Variants in XPO1 observed in about 807,000 individuals in gnomAD.
The protein encoded by XPO1 is exportin-1.
XPO1 carries 5 observed loss-of-function variants against 133.3 expected under a neutral mutation model. That is an observed-to-expected ratio of 0.04 (90% CI 0.02 to 0.08). The LOEUF is 0.08. Among genes scored for constraint, XPO1 ranks in the 10% least tolerant of loss-of-function variants. The pLI, the probability that XPO1 is intolerant of heterozygous loss-of-function variation, is 1.00. For synonymous variants in XPO1, 419 were observed against 408.2 expected (o/e 1.03, Z -0.32); for missense variants, 506 against 1,267.5 (o/e 0.40, Z 9.12).
intron 4 of XPO1, among the ~76,000 whole-genome samples, chr2:61,516,017 T>C (rs1376383981): frequency 1.4e-5 from 2 of 145,986 alleles, no homozygotes; most frequent in Non-Finnish European, 3.0e-5. Context: ...TCCCAGCTAC[T>C]CAGGAGGCTG....
intron 22 of XPO1, 49 bp from the exon 23 acceptor site, chr2:61,482,588 G>A (rs767696812): frequency 5.0e-6 from 7 of 1,406,090 alleles, no homozygotes; most frequent in East Asian, 2.5e-5. Flanking sequence ...TATAACTATA[G>A]ATCTTAGCGT....
chr2:61,495,807 C>A (rs887168950), intron 10 of XPO1, among the ~76,000 whole-genome samples, 194 bp from the exon 11 acceptor site: 6 of 151,974 alleles, frequency 3.9e-5, no homozygotes, highest in African/African-American at 1.5e-4. Context: ...GTAGCTGGAA[C>A]CACAGGTATG....
chr2:61,529,799 A>G (rs1699074469), intron 2 of XPO1, among the ~76,000 whole-genome samples: 1 of 152,224 alleles, frequency 6.6e-6, no homozygotes, highest in African/African-American at 2.4e-5. Context: ...AGGAAAACAC[A>G]CTGCTACACA....
At chr2:61,528,340 TAAA>T (rs1698997563) in intron 2 of XPO1, among the ~76,000 whole-genome samples, 1 of 152,104 alleles carries the variant, frequency 6.6e-6, no homozygotes, top group African/African-American at 2.4e-5. Flanking sequence ...ATAGTATACT[TAAA>T]AATCTTTTAG....
chr2:61,518,733 C>G (rs752539409), intron 4 of XPO1, among the ~76,000 whole-genome samples: 20 of 152,030 alleles, frequency 1.3e-4, no homozygotes, highest in Middle Eastern at 3.2e-3. Flanking sequence ...ACTAAAACAG[C>G]CAAGTGTAAT....
intron 4 of XPO1, among the ~76,000 whole-genome samples, chr2:61,510,773 CAA>C (rs1283369861): frequency 6.6e-6 from 1 of 151,726 alleles, no homozygotes; most frequent in Admixed American, 6.6e-5. Context: ...CCCATCTCTA[CAA>C]AAAATAGAAA....
chr2:61,518,349 G>A (rs1270409401), intron 4 of XPO1, among the ~76,000 whole-genome samples: 3 of 151,422 alleles, frequency 2.0e-5, no homozygotes, highest in Non-Finnish European at 4.4e-5. Context: ...TCAGGAGATC[G>A]AGACCATCCT....
Position 61,492,274 on chromosome 2 carries a change from T to A in XPO1, c.1723+51A>T. 1 of 1,582,462 alleles carries A rather than the reference T, an allele frequency of 6.3e-7. No individual in the cohort carries two copies. Among genetic ancestry groups the A allele is most frequent in the Non-Finnish European group, 8.5e-7 (1 of 1,170,282 alleles). ...CTCTAACAAGACAAAAACATTCATT[T>A]ATTTTCTTCAATAAAAATAAAAGCA... is the stretch of plus-strand genomic sequence containing the variant. On this transcript the variant is annotated intron_variant, in intron 15 of 24. Transcript: ENST00000401558. This position sits in a 1 kb window ranked among gnomAD's most constrained non-coding sequence, Gnocchi z 5.6.
chr2:61,486,488 GCT>G (rs1389246202), intron 19 of XPO1, among the ~76,000 whole-genome samples: 2 of 152,006 alleles, frequency 1.3e-5, no homozygotes, highest in African/African-American at 4.8e-5. Context: ...ACGGAGTCTT[GCT>G]CTGTCGCCCA....
chr2:61,483,786 G>T, intron 21 of XPO1, 151 bp downstream of exon 21: 2 of 848,876 alleles, frequency 2.4e-6, no homozygotes, highest in Non-Finnish European at 1.8e-6. Flanking sequence ...TGGAACAGTT[G>T]ATTAAACTGC....
At chr2:61,505,427 T>C (rs915480175) in intron 4 of XPO1, among the ~76,000 whole-genome samples, 53 of 151,632 alleles carry the variant, frequency 3.5e-4, no homozygotes, top group African/African-American at 1.2e-3. Flanking sequence ...AGTCTTCCTC[T>C]GTCTTCCAGG....
intron 4 of XPO1, among the ~76,000 whole-genome samples, chr2:61,522,011 G>C (rs546376095): frequency 6.6e-6 from 1 of 152,192 alleles, no homozygotes; most frequent in South Asian, 2.1e-4. Context: ...TCCCACTTCA[G>C]CCTCACGAAG....
chr2:61,496,017 T>G, intron 10 of XPO1, among the ~76,000 whole-genome samples: 1 of 152,170 alleles, frequency 6.6e-6, no homozygotes, highest in East Asian at 1.9e-4. Context: ...TTTGCTAATA[T>G]TAAACCACAT....
intron 24 of XPO1, 147 bp from the exon 25 acceptor site, chr2:61,479,113 C>T (rs1696199725): frequency 5.8e-6 from 5 of 860,404 alleles, no homozygotes; most frequent in Middle Eastern, 2.4e-4. Context: ...GATAGTGACA[C>T]AGTATACTAC....
chr2:61,532,644 T>C (rs940006622), intron 2 of XPO1, among the ~76,000 whole-genome samples: 1 of 148,786 alleles, frequency 6.7e-6, no homozygotes, highest in Non-Finnish European at 1.5e-5. Context: ...GAGACCATCC[T>C]GGCCAATATG....
At chr2:61,523,160 T>G (rs1047873391) in intron 3 of XPO1, among the ~76,000 whole-genome samples, 1 of 152,228 alleles carries the variant, frequency 6.6e-6, no homozygotes, top group Admixed American at 6.5e-5. Context: ...ATACTTTCTA[T>G]AGAAAGTGTT....
chr2:61,498,836 T>A (rs941985668), intron 8 of XPO1, 29 bp downstream of exon 8: 5 of 1,606,912 alleles, frequency 3.1e-6, no homozygotes, highest in Non-Finnish European at 4.2e-6. Flanking sequence ...CCTATTATTG[T>A]TTTTAAAAAT....
chr2:61,489,819 G>T (rs2104401166), intron 17 of XPO1, among the ~76,000 whole-genome samples: 1 of 152,088 alleles, frequency 6.6e-6, no homozygotes, highest in African/African-American at 2.4e-5. Context: ...CTCCCAAAGT[G>T]CTGGGATTAC....
At chr2:61,532,418 C>A (rs1052576897) in intron 2 of XPO1, among the ~76,000 whole-genome samples, 1 of 152,042 alleles carries the variant, frequency 6.6e-6, no homozygotes, top group African/African-American at 2.4e-5. Flanking sequence ...TGAGCCACCG[C>A]GCCCGGCCGG....
Sources: allele counts gnomAD v4.1 joint callset (sites outside exome capture counted in the v4.1 genomes callset), GRCh38; gene constraint gnomAD v4.1.1; non-coding constraint Gnocchi (gnomAD v3.1); transcripts MANE v1.5; gene names NCBI Gene and HGNC (gene_info 2026-07-23, HGNC 2026-07-21).